PAPPA: variants seen among roughly 807,000 people sequenced by gnomAD.
The protein encoded by PAPPA is pappalysin 1.
A neutral mutation model predicts 164.0 loss-of-function variants in PAPPA; 60 were observed. The ratio of observed to expected loss-of-function variants is 0.37; its 90% CI spans 0.30 to 0.45. PAPPA has a LOEUF of 0.45. Ranked by LOEUF, PAPPA falls within the 20% of genes least tolerant of loss-of-function variation. PAPPA has a pLI of 1.00. For missense variants in PAPPA, 1,782 were observed against 2,087.3 expected, an observed-to-expected ratio of 0.85 and a Z score of 2.85; for synonymous variants, 875 against 814.1, an observed-to-expected ratio of 1.07 and a Z score of -1.27.
chr9:116,290,480 G>A (rs1454618807), intron 9 of PAPPA, among the ~76,000 whole-genome samples: 1 of 151,722 alleles, frequency 6.6e-6, no homozygotes, highest in Non-Finnish European at 1.5e-5. Flanking sequence ...GGATCACAAA[G>A]CTACTTGATT....
intron 1 of PAPPA, among the ~76,000 whole-genome samples, chr9:116,160,466 C>T (rs1438649216): frequency 6.6e-6 from 1 of 152,170 alleles, no homozygotes; most frequent in African/African-American, 2.4e-5. Context: ...AGGCATTCAC[C>T]ATTCACTTTG....
In PAPPA at chr9:116,400,280, C is replaced by CACAA. The variant is rs1588036920; in HGVS notation, c.*3668_*3671dup. ...TTATTCTACAGCCTCAGTAGGTAGA[C>CACAA]ACAAACATAAAGATTTCCCTAGAAG... On this transcript the variant is annotated 3_prime_UTR_variant, in exon 22 of 22. Transcript: ENST00000328252. The CACAA allele has an allele frequency of 6.6e-6, 1 of 152,258 alleles. No individual in the cohort carries two copies. Among genetic ancestry groups the CACAA allele is most frequent in the East Asian group, 1.9e-4 (1 of 5,182 alleles). The allele number at this position is 152,258 out of a possible 1,614,324, so 9.4% of individuals were successfully genotyped here.
chr9:116,364,199 T>C (rs140384330), intron 18 of PAPPA, among the ~76,000 whole-genome samples: 48 of 152,356 alleles, frequency 3.2e-4, no homozygotes, highest in African/African-American at 1.1e-3. Flanking sequence ...TGAACAAGTA[T>C]GTCTGTGATG....
intron 9 of PAPPA, among the ~76,000 whole-genome samples, chr9:116,280,201 G>C (rs1335551899): frequency 6.6e-6 from 1 of 152,120 alleles, no homozygotes; most frequent in Non-Finnish European, 1.5e-5. Flanking sequence ...CACTGTGCTT[G>C]TTTCAAAGAA....
intron 13 of PAPPA, among the ~76,000 whole-genome samples, chr9:116,343,283 T>C (rs1266496592): frequency 1.3e-5 from 2 of 152,240 alleles, no homozygotes; most frequent in African/African-American, 4.8e-5. Flanking sequence ...GAGGATTTCA[T>C]GCTGTTTCTG....
intron 7 of PAPPA, among the ~76,000 whole-genome samples, chr9:116,236,433 A>G (rs1844668746): frequency 6.6e-6 from 1 of 151,938 alleles, no homozygotes; most frequent in African/African-American, 2.4e-5. Context: ...AATAATACAA[A>G]AAAATTAGCT....
intron 4 of PAPPA, among the ~76,000 whole-genome samples, chr9:116,217,776 G>A (rs920238500): frequency 2.6e-5 from 4 of 152,168 alleles, no homozygotes; most frequent in South Asian, 2.1e-4. Context: ...GAGCAATCGC[G>A]TTATCATCAC....
In PAPPA at chr9:116,211,540, A is replaced by G. The variant is rs1388922406; in HGVS notation, c.1625-99A>G. ...TCCTAGGGTGGAGAAGCTTGTGTTTATTTTGGGCAGCATCTCTTTATCCTT... is the reference window on the plus strand; with the variant it reads ...TCCTAGGGTGGAGAAGCTTGTGTTTGTTTTGGGCAGCATCTCTTTATCCTT... On this transcript the variant is annotated intron_variant, in intron 3 of 21. Coordinates refer to ENST00000328252, the MANE Select transcript of PAPPA (RefSeq NM_002581.5). 18 of 1,032,944 alleles carry G rather than the reference A, an allele frequency of 1.7e-5. 1 individual carries two copies. The highest frequency in any genetic ancestry group is 2.9e-6 in the Non-Finnish European group (2 of 684,528). 64.0% of individuals were successfully genotyped at this position (1,032,944 alleles called of 1,614,324 possible).
intron 21 of PAPPA, among the ~76,000 whole-genome samples, chr9:116,387,368 C>A (rs370620665): frequency 8.5e-5 from 13 of 152,116 alleles, no homozygotes; most frequent in African/African-American, 3.1e-4. Context: ...AGCACAATAA[C>A]CCTGTTGTAG....
intron 1 of PAPPA, among the ~76,000 whole-genome samples, chr9:116,172,925 C>G (rs1351483255): frequency 6.6e-6 from 1 of 152,164 alleles, no homozygotes; most frequent in Non-Finnish European, 1.5e-5. Flanking sequence ...AGATCTCAAG[C>G]TAATCACTGA....
chr9:116,289,346 G>A (rs10983104), intron 9 of PAPPA, among the ~76,000 whole-genome samples: 37 of 104,800 alleles, frequency 3.5e-4, no homozygotes, highest in Middle Eastern at 5.6e-3. Flanking sequence ...GCATATATAT[G>A]GCATATATAT....
chr9:116,157,500 T>C (rs1306944207), intron 1 of PAPPA, among the ~76,000 whole-genome samples: 1 of 152,174 alleles, frequency 6.6e-6, no homozygotes, highest in Non-Finnish European at 1.5e-5. Context: ...GGATGGTCTT[T>C]AGGATTGAAG....
chr9:116,220,942 A>G (rs431874), intron 5 of PAPPA, among the ~76,000 whole-genome samples: 80,230 of 150,368 alleles, frequency 0.53, 21,971 homozygotes, highest in East Asian at 0.81. Flanking sequence ...TAATTTTTGC[A>G]CCAAATGTTT....
chr9:116,272,203 G>C (rs1044690098), intron 9 of PAPPA, among the ~76,000 whole-genome samples: 7 of 152,312 alleles, frequency 4.6e-5, no homozygotes, highest in African/African-American at 1.7e-4. Flanking sequence ...TGGTCCAGAT[G>C]AGATCATACT....
intron 2 of PAPPA, 137 bp from the exon 3 acceptor site, chr9:116,207,319 T>C (rs952335930): frequency 1.6e-6 from 1 of 609,010 alleles, no homozygotes; most frequent in East Asian, 2.8e-5. Flanking sequence ...ATAATATTAT[T>C]GGGGGAATTC....
rs562394973 is a variant in PAPPA at position 116,375,519 on chromosome 9, C to T, written c.4606-2057C>T. Among the ~76,000 whole-genome samples the T allele has an allele frequency of 1.5e-3, 221 of 152,312 alleles. 1 individual carries two copies. Among genetic ancestry groups the T allele is most frequent in the African/African-American group, 5.0e-3 (207 of 41,558 alleles). On this transcript the variant is annotated intron_variant, in intron 19 of 21. Coordinates refer to ENST00000328252, the MANE Select transcript of PAPPA (RefSeq NM_002581.5). ...AGACAAGTAAAGAAATTATTGTCCA[C>T]TGGTAAAATCATCTCTATTTTGAGA... is the stretch of plus-strand genomic sequence containing the variant.
intron 10 of PAPPA, among the ~76,000 whole-genome samples, chr9:116,325,419 G>A (rs1171917337): frequency 6.6e-6 from 1 of 152,178 alleles, no homozygotes. Flanking sequence ...TGCAGAGGGG[G>A]AATCGGAGAG....
At chr9:116,304,827 T>C (rs1487754972) in intron 10 of PAPPA, among the ~76,000 whole-genome samples, 1 of 152,186 alleles carries the variant, frequency 6.6e-6, no homozygotes, top group African/African-American at 2.4e-5. Flanking sequence ...TAACCAATTT[T>C]ATTTTAATGA....
intron 7 of PAPPA, among the ~76,000 whole-genome samples, chr9:116,247,214 CAT>C (rs1482950748): frequency 6.6e-6 from 1 of 152,114 alleles, no homozygotes; most frequent in East Asian, 1.9e-4. Context: ...AGTTTCATGA[CAT>C]ATTAATATCA....
Sources: gnomAD v4.1 joint callset for allele counts (sites outside exome capture counted in the v4.1 genomes callset) on GRCh38, gnomAD v4.1.1 for gene constraint, MANE v1.5 for transcripts, NCBI Gene and HGNC (gene_info 2026-07-23, HGNC 2026-07-21) for gene names.